The following COL4A1 variants were observed in gnomAD, a reference collection of about 807,000 sequenced individuals.
The protein encoded by COL4A1 is collagen alpha-1(IV) chain.
In COL4A1, 40 loss-of-function variants were observed where a neutral mutation model predicts 216.6. That is an observed-to-expected ratio of 0.18 (90% CI 0.14 to 0.24). The LOEUF (loss-of-function observed/expected upper bound fraction) is 0.24, where lower values mean the gene tolerates loss of function less well. Ranked by LOEUF, COL4A1 falls within the 10% of genes least tolerant of loss-of-function variation. The pLI is 1.00. For synonymous variants in COL4A1, 839 were observed against 810.7 expected (o/e 1.03, Z -0.59); for missense variants, 1,628 against 2,196.8 (o/e 0.74, Z 5.18).
chr13:110,198,076 GGGGTGTGTGTGTGT>G (rs1566366754), intron 21 of COL4A1, among the ~76,000 whole-genome samples: 1 of 72,346 alleles, frequency 1.4e-5, no homozygotes, highest in African/African-American at 4.1e-5. Flanking sequence ...CCTTGTTTCT[GGGGTGTGTGTGTGT>G]GTGTGTGTGT....
rs1877958922 is a variant in COL4A1 at position 110,177,992 on chromosome 13, G to A, written c.2627-61C>T. ...GCTCTGAATGCTGACAGTAAATGCT[G>A]AGTCATAAAAAGAATAAGGTGAGGC... On this transcript the variant is annotated intron_variant, in intron 32 of 51. Coordinates refer to ENST00000375820, the MANE Select transcript of COL4A1 (RefSeq NM_001845.6). 1.9e-6 allele frequency: 3 copies of A among 1,613,684 alleles called. No homozygotes were observed. In the African/African-American group the frequency reaches 4.0e-5, roughly 22 times the overall value.
chr13:110,252,171 C>T (rs1447731101), intron 1 of COL4A1, among the ~76,000 whole-genome samples: 1 of 151,930 alleles, frequency 6.6e-6, no homozygotes, highest in Non-Finnish European at 1.5e-5. Flanking sequence ...TTACAGGTGC[C>T]TGCCACCATG....
chr13:110,181,167 AT>A, intron 29 of COL4A1, 124 bp downstream of exon 29: 1 of 820,714 alleles, frequency 1.2e-6, no homozygotes, highest in Non-Finnish European at 2.1e-6. Context: ...ATTCTATGTT[AT>A]TTCATCAAAA....
At chr13:110,198,232 G>A (rs1878997578) in intron 21 of COL4A1, among the ~76,000 whole-genome samples, 1 of 152,052 alleles carries the variant, frequency 6.6e-6, no homozygotes, top group Non-Finnish European at 1.5e-5. Context: ...CTCAGAGGTG[G>A]TTAACGTGTT....
At chr13:110,189,469 CT>C (rs920132567) in intron 24 of COL4A1, among the ~76,000 whole-genome samples, 5 of 152,214 alleles carry the variant, frequency 3.3e-5, no homozygotes, top group Admixed American at 2.6e-4. Context: ...TCATGGACGA[CT>C]ACCAGTGGTC....
At chr13:110,241,393 T>C (rs1301842526) in intron 2 of COL4A1, among the ~76,000 whole-genome samples, 2 of 152,200 alleles carry the variant, frequency 1.3e-5, no homozygotes, top group African/African-American at 2.4e-5. Flanking sequence ...CAGGCCTTAA[T>C]TCCTCTTTGT....
At position 110,164,965 on chromosome 13, in the gene COL4A1, T is replaced by C. The variant is rs1877267995; in HGVS notation, c.4047A>G (p.Pro1349=). ...CCCCTTTGATGATGTCGTAAGGACC[T>C]GGGGGGCCAGGAGGACCCGGGAGAC... ...AKGLPGPPGP[P]GPYDIIKGEP... The change falls in exon 46 of 52, where the codon CCA becomes CCG. Residue 1349 remains proline, a synonymous_variant. Coordinates refer to ENST00000375820, the MANE Select transcript of COL4A1 (RefSeq NM_001845.6). The C allele has an allele frequency of 6.2e-7, 1 of 1,605,056 alleles. No individual in the cohort carries two copies. Among genetic ancestry groups the C allele is most frequent in the Non-Finnish European group, 8.5e-7 (1 of 1,176,244 alleles).
rs116014465 is a variant in COL4A1 at position 110,194,673 on chromosome 13, G to A, written c.1381+350C>T. On this transcript the variant is annotated intron_variant, in intron 22 of 51. Coordinates refer to ENST00000375820, the MANE Select transcript of COL4A1 (RefSeq NM_001845.6). ...TTGAAGGAGGGAAGAGCATTCTTTG[G>A]TAACAGAAGTCTCTTCTCAAACACT... Among the ~76,000 whole-genome samples, 1,013 of 152,302 alleles carry A rather than the reference G, an allele frequency of 6.7e-3. 9 individuals are homozygous for A. Among genetic ancestry groups the A allele is most frequent in the African/African-American group, 0.023 (941 of 41,548 alleles).
intron 2 of COL4A1, among the ~76,000 whole-genome samples, chr13:110,219,690 GTA>G (rs1555307881): frequency 1.0e-4 from 14 of 135,072 alleles, no homozygotes; most frequent in African/African-American, 1.2e-4. Flanking sequence ...GTATATATAT[GTA>G]TATATATGTA....
chr13:110,150,070 T>TG lies in COL4A1; in HGVS notation c.*292dup, dbSNP rs1196393751. Reference sequence around the variant, plus strand: ...CTCCTAGCACCCTTTGGTTTTCTGATGGAGTTCTCACTTCACACATCAGTG... The same window carrying TG: ...CTCCTAGCACCCTTTGGTTTTCTGATGGGAGTTCTCACTTCACACATCAGTG... On this transcript the variant is annotated 3_prime_UTR_variant, in exon 52 of 52. Transcript: ENST00000375820. 4 of 434,404 alleles carry TG rather than the reference T, an allele frequency of 9.2e-6. No individual in the cohort carries two copies. The highest frequency in any genetic ancestry group is 2.0e-5 in the African/African-American group (1 of 49,616). 26.9% of individuals were successfully genotyped at this position (434,404 alleles called of 1,614,324 possible).
At chr13:110,225,776 C>T (rs1484872506) in intron 2 of COL4A1, among the ~76,000 whole-genome samples, 2 of 152,170 alleles carry the variant, frequency 1.3e-5, no homozygotes, top group African/African-American at 2.4e-5. Flanking sequence ...GCTCTCTCTT[C>T]AGTCACTGCA....
Position 110,210,050 on chromosome 13 carries a change from G to A in COL4A1, c.553-8C>T, listed in dbSNP as rs199534388. 357 of 1,613,990 alleles carry A rather than the reference G, an allele frequency of 2.2e-4. No individual in the cohort carries two copies. The highest frequency in any genetic ancestry group is 1.0e-4 in the Admixed American group (6 of 60,002). ...TGGCAGTCCTGGTGGGCCCTAGAAT[G>A]CATGAGAAAGAAATGAGTTCAGATG... On this transcript the variant is annotated splice_polypyrimidine_tract_variant and splice_region_variant and intron_variant, in intron 9 of 51. Coordinates refer to ENST00000375820, the MANE Select transcript of COL4A1 (RefSeq NM_001845.6).
At chr13:110,240,208 T>TA (rs960561179) in intron 2 of COL4A1, among the ~76,000 whole-genome samples, 14 of 147,788 alleles carry the variant, frequency 9.5e-5, no homozygotes, top group South Asian at 2.1e-4. Context: ...TTTATGGAAT[T>TA]AAAAAAAATT....
chr13:110,240,373 C>A (rs1002510167), intron 2 of COL4A1, among the ~76,000 whole-genome samples: 7 of 152,222 alleles, frequency 4.6e-5, no homozygotes, highest in Admixed American at 6.5e-5. Flanking sequence ...GGAGCAGGAT[C>A]CTGCTCCTTC....
At chr13:110,166,933 A>T (rs1877372248) in intron 44 of COL4A1, among the ~76,000 whole-genome samples, 2 of 152,258 alleles carry the variant, frequency 1.3e-5, no homozygotes, top group Admixed American at 1.3e-4. Context: ...GATATTAATG[A>T]TCCACTGATT....
At chr13:110,210,335 C>A (rs1879732633) in intron 8 of COL4A1, 123 bp from the exon 9 acceptor site, 1 of 896,112 alleles carries the variant, frequency 1.1e-6, no homozygotes, top group South Asian at 1.4e-5. Context: ...GGGATTTAGA[C>A]CCCGTCTACA....
At chr13:110,274,744 T>C in intron 1 of COL4A1, among the ~76,000 whole-genome samples, 1 of 152,050 alleles carries the variant, frequency 6.6e-6, no homozygotes. Context: ...ATCATAACAT[T>C]GTATAGGTAG....
chr13:110,269,498 A>G lies in COL4A1; in HGVS notation c.85-26764T>C, dbSNP rs77952604. Among the ~76,000 whole-genome samples the G allele has an allele frequency of 5.0e-3, 768 of 152,330 alleles. 7 individuals carry two copies. Among genetic ancestry groups the G allele is most frequent in the Middle Eastern group, 0.014 (4 of 294 alleles). ...ATTATGAAAATAGTGGTGTTATTTT[A>G]CATTTATCTTATGTATTTATGATGA... On this transcript the variant is annotated intron_variant, in intron 1 of 51. Coordinates refer to ENST00000375820, the MANE Select transcript of COL4A1 (RefSeq NM_001845.6).
chr13:110,302,577 T>A (rs1884537354), intron 1 of COL4A1, among the ~76,000 whole-genome samples: 2 of 152,118 alleles, frequency 1.3e-5, no homozygotes. Flanking sequence ...GGGACCCATG[T>A]CCCAGAGTTA....
Sources: allele counts gnomAD v4.1 joint callset (sites outside exome capture counted in the v4.1 genomes callset), GRCh38; gene constraint gnomAD v4.1.1; transcripts MANE v1.5; gene names NCBI Gene and HGNC (gene_info 2026-07-23, HGNC 2026-07-21).